GLT1D1: variants seen among roughly 807,000 people sequenced by gnomAD.
GLT1D1 encodes glycosyltransferase 1 domain containing 1.
In GLT1D1, 21 loss-of-function variants were observed where a neutral mutation model predicts 28.7. That is an observed-to-expected ratio of 0.73 (90% CI 0.52 to 1.05). The LOEUF (loss-of-function observed/expected upper bound fraction) is 1.05, where lower values mean the gene tolerates loss of function less well. Among genes scored for constraint, GLT1D1 ranks in the 50% least tolerant of loss-of-function variants. The pLI is 0.00. For missense variants in GLT1D1, 343 were observed against 330.6 expected (o/e 1.04, Z -0.29); for synonymous variants, 147 against 124.8 (o/e 1.18, Z -1.19).
chr12:128,945,151 C>T, intron 4 of GLT1D1, 175 bp from the exon 9 acceptor site: 2 of 743,536 alleles, frequency 2.7e-6, no homozygotes, highest in Non-Finnish European at 4.9e-6. Context: ...AGTGCCCTTG[C>T]CCGAGCCGGG....
At chr12:128,971,567 T>A (rs1342225771) in intron 7 of GLT1D1, among the ~76,000 whole-genome samples, 1 of 107,022 alleles carries the variant, frequency 9.3e-6, no homozygotes, top group Non-Finnish European at 1.9e-5. Flanking sequence ...TCTTTCTCCC[T>A]CCCTCCCTAC....
intron 7 of GLT1D1, among the ~76,000 whole-genome samples, chr12:128,970,309 C>T (rs1054057090): frequency 5.3e-5 from 8 of 152,170 alleles, no homozygotes; most frequent in African/African-American, 1.9e-4. Context: ...CTCCCAAGCC[C>T]GCCGCGCCCT....
At chr12:128,881,357 C>T (rs1957037185) in intron 2 of GLT1D1, among the ~76,000 whole-genome samples, 2 of 148,168 alleles carry the variant, frequency 1.3e-5, no homozygotes, top group Admixed American at 1.4e-4. Flanking sequence ...ATGGTGAAGC[C>T]CCGTCTCTAC....
In GLT1D1 at chr12:128,899,243, G is replaced by T. The variant is rs145677630; in HGVS notation, c.331G>T (p.Val111Phe). ...TTTTTGTTCATTTACTAGATTTGCT[G>T]TCGCTTTCACAGAGTCAATGAAGGA... Residue 111 changes from valine (V) to phenylalanine (F), a missense_variant, in exon 4 of 8, where the codon GTC becomes TTC. Physicochemically the swap from Val to Phe is conservative, Grantham distance 50. Transcript: ENST00000281703. 1 of 1,612,258 alleles carries T rather than the reference G, an allele frequency of 6.2e-7. No individual in the cohort carries two copies. Among genetic ancestry groups the T allele is most frequent in the Non-Finnish European group, 8.5e-7 (1 of 1,178,334 alleles).
chr12:128,884,900 A>G (rs1451961893), intron 2 of GLT1D1, among the ~76,000 whole-genome samples: 2 of 151,796 alleles, frequency 1.3e-5, no homozygotes, highest in Non-Finnish European at 2.9e-5. Context: ...GAGGTAATAC[A>G]TATATTAATT....
intron 7 of GLT1D1, among the ~76,000 whole-genome samples, chr12:128,960,052 C>T (rs149062728): frequency 3.9e-5 from 6 of 152,244 alleles, no homozygotes; most frequent in East Asian, 1.9e-4. Flanking sequence ...ATTATCGTGC[C>T]GCCGATGTAT....
chr12:128,898,170 C>G (rs80052971), intron 3 of GLT1D1, among the ~76,000 whole-genome samples: 4,729 of 151,796 alleles, frequency 0.031, 246 homozygotes, highest in African/African-American at 0.11. Flanking sequence ...CCTCCTTCTT[C>G]TTCCTTTTCC....
At chr12:128,956,703 CT>C (rs1347534760) in intron 6 of GLT1D1, among the ~76,000 whole-genome samples, 1 of 152,174 alleles carries the variant, frequency 6.6e-6, no homozygotes, top group Non-Finnish European at 1.5e-5. Flanking sequence ...CCTTTTCTTC[CT>C]CCTACTTTTC....
At chr12:128,961,417 T>C (rs567540680) in intron 7 of GLT1D1, among the ~76,000 whole-genome samples, 1 of 152,198 alleles carries the variant, frequency 6.6e-6, no homozygotes, top group East Asian at 1.9e-4. Flanking sequence ...AACCTAAGTG[T>C]CCATCAACAG....
chr12:128,886,412 C>A (rs1448663864), intron 2 of GLT1D1, among the ~76,000 whole-genome samples: 1 of 152,130 alleles, frequency 6.6e-6, no homozygotes, highest in East Asian at 1.9e-4. Context: ...GAGATGTCCA[C>A]ATCCTACTTC....
chr12:128,969,515 G>A (rs1251840539), intron 7 of GLT1D1, among the ~76,000 whole-genome samples: 2 of 152,172 alleles, frequency 1.3e-5, no homozygotes. Context: ...GGTGTGCACC[G>A]AGCTGAGTGT....
At chr12:128,950,644 G>A (rs1323546870) in intron 6 of GLT1D1, among the ~76,000 whole-genome samples, 2 of 152,178 alleles carry the variant, frequency 1.3e-5, no homozygotes, top group Non-Finnish European at 2.9e-5. Context: ...GTTTTGGGGA[G>A]GGGCCTGGCT....
At chr12:128,918,756 A>G (rs148574179) in intron 4 of GLT1D1, among the ~76,000 whole-genome samples, 48 of 152,358 alleles carry the variant, frequency 3.2e-4, no homozygotes, top group Middle Eastern at 3.4e-3. Context: ...TCTGTCTTCA[A>G]TCTATCACAG....
intron 7 of GLT1D1, among the ~76,000 whole-genome samples, chr12:128,973,162 TTTTG>T (rs1464090927): frequency 1.7e-4 from 26 of 150,772 alleles, no homozygotes; most frequent in South Asian, 8.3e-4. Flanking sequence ...GTCTTTTCTG[TTTTG>T]TTTGTTTGCT....
intron 7 of GLT1D1, among the ~76,000 whole-genome samples, chr12:128,975,812 C>G (rs1286284322): frequency 1.3e-5 from 2 of 152,180 alleles, no homozygotes; most frequent in African/African-American, 4.8e-5. Context: ...CCATGATGTT[C>G]AGGGTGAAAT....
At chr12:128,926,233 A>AATC (rs1873202267) in intron 4 of GLT1D1, 126 bp from the exon 7 acceptor site, 1 of 272,268 alleles carries the variant, frequency 3.7e-6, no homozygotes, top group Non-Finnish European at 6.5e-6. Flanking sequence ...TAATAATAAT[A>AATC]ATAAGAGTAG....
At chr12:128,869,011 A>G (rs1956617153) in intron 1 of GLT1D1, among the ~76,000 whole-genome samples, 1 of 151,610 alleles carries the variant, frequency 6.6e-6, no homozygotes, top group Admixed American at 6.6e-5. Flanking sequence ...CTGGGATTAT[A>G]GGCATGCACT....
chr12:128,880,479 G>A (rs1441939673), intron 2 of GLT1D1, among the ~76,000 whole-genome samples: 2 of 152,136 alleles, frequency 1.3e-5, no homozygotes, highest in African/African-American at 4.8e-5. Context: ...TGTTTTTGAA[G>A]GTTAAAGTCT....
chr12:128,945,049 C>T (rs1875856037), intron 4 of GLT1D1: 1 of 642,384 alleles, frequency 1.6e-6, no homozygotes, highest in Non-Finnish European at 2.8e-6. Context: ...ATGTAACAGG[C>T]CAATTTCTGC....
Sources: gnomAD v4.1 joint callset for allele counts (sites outside exome capture counted in the v4.1 genomes callset) on GRCh38, gnomAD v4.1.1 for gene constraint, MANE v1.5 for transcripts, NCBI Gene and HGNC (gene_info 2026-07-23, HGNC 2026-07-21) for gene names.